Variants in SLC14A2 observed in about 807,000 individuals in gnomAD.
The protein encoded by SLC14A2 is solute carrier family 14 member 2.
SLC14A2 carries 91 observed loss-of-function variants against 104.6 expected under a neutral mutation model. That is an observed-to-expected ratio of 0.87 (90% CI 0.73 to 1.04). The LOEUF (loss-of-function observed/expected upper bound fraction) is 1.04. Ranked by LOEUF, SLC14A2 falls within the 50% of genes least tolerant of loss-of-function variation. The pLI is 0.00. For missense variants in SLC14A2, 1,189 were observed against 1,156.0 expected, an observed-to-expected ratio of 1.03 and a Z score of -0.41; for synonymous variants, 476 against 466.4, an observed-to-expected ratio of 1.02 and a Z score of -0.27.
At chr18:45,593,273 C>T (rs1032227335) in intron 2 of SLC14A2, among the ~76,000 whole-genome samples, 3 of 151,090 alleles carry the variant, frequency 2.0e-5, no homozygotes, top group Non-Finnish European at 3.0e-5. Context: ...GCCGAGATCG[C>T]TCCACGGCAC....
intron 1 of SLC14A2, among the ~76,000 whole-genome samples, chr18:45,386,198 G>A (rs2085894712): frequency 6.6e-6 from 1 of 152,166 alleles, no homozygotes; most frequent in Admixed American, 6.5e-5. Context: ...AGCTACATCT[G>A]TCTAGCTGGA....
At chr18:45,295,622 C>A (rs1258843958) in intron 1 of SLC14A2, among the ~76,000 whole-genome samples, 1 of 152,152 alleles carries the variant, frequency 6.6e-6, no homozygotes, top group Non-Finnish European at 1.5e-5. Context: ...AATCCCAATC[C>A]TTTCCATCAG....
intron 1 of SLC14A2, among the ~76,000 whole-genome samples, chr18:45,312,946 G>C (rs181692852): frequency 6.6e-6 from 1 of 152,170 alleles, no homozygotes; most frequent in East Asian, 1.9e-4. Context: ...AAGCCGGTTG[G>C]CCTCGTCAGT....
In SLC14A2 at chr18:45,682,392, C is replaced by G; in HGVS notation, c.2636C>G (p.Pro879Arg). The change falls in exon 20 of 20, where the codon CCC becomes CGC. Residue 879 changes from proline to arginine, a missense_variant. By Grantham distance (103) the Pro-to-Arg change is moderately radical. Transcript: ENST00000255226. ...LTFLLLTTNN[P>R]AIYKLPLSKV... The stretch of plus-strand genomic sequence containing the variant: ...TTCCTGCTCCTGACGACCAATAACC[C>G]CGCCATCTACAAGCTCCCGCTCAGC... The G allele has an allele frequency of 1.9e-6, 3 of 1,614,162 alleles. No individual in the cohort carries two copies. Among genetic ancestry groups the G allele is most frequent in the East Asian group, 2.2e-5 (1 of 44,878 alleles).
chr18:45,374,232 G>C (rs1011532058), intron 1 of SLC14A2, among the ~76,000 whole-genome samples: 13 of 152,198 alleles, frequency 8.5e-5, no homozygotes, highest in Non-Finnish European at 1.0e-4. Context: ...GCTGTCCAAA[G>C]TCACCCTTGT....
intron 1 of SLC14A2, among the ~76,000 whole-genome samples, chr18:45,321,437 A>T (rs2085184257): frequency 6.6e-6 from 1 of 152,194 alleles, no homozygotes; most frequent in African/African-American, 2.4e-5. Context: ...CATGCATCCC[A>T]GTTCTATGTG....
chr18:45,662,012 A>C (rs1324028116), intron 10 of SLC14A2, among the ~76,000 whole-genome samples: 1 of 152,200 alleles, frequency 6.6e-6, no homozygotes, highest in East Asian at 1.9e-4. Flanking sequence ...TCAGCATAAA[A>C]ATATAGACAA....
intron 2 of SLC14A2, among the ~76,000 whole-genome samples, chr18:45,604,448 T>G (rs1407297328): frequency 6.6e-6 from 1 of 152,198 alleles, no homozygotes; most frequent in Non-Finnish European, 1.5e-5. Flanking sequence ...AATCATGCAG[T>G]CTACTCCTTT....
intron 2 of SLC14A2, chr18:45,529,400 A>T (rs1032357564): frequency 6.6e-6 from 1 of 152,228 alleles, no homozygotes; most frequent in Non-Finnish European, 1.5e-5. Flanking sequence ...TCCAAGAGAC[A>T]GAAGTTGTGG....
chr18:45,499,397 C>T (rs1263555891), intron 2 of SLC14A2, among the ~76,000 whole-genome samples: 1 of 152,126 alleles, frequency 6.6e-6, no homozygotes, highest in Non-Finnish European at 1.5e-5. Flanking sequence ...GGTGAGTGCT[C>T]GACATTCAGA....
Position 45,643,844 on chromosome 18 carries a change from A to G in SLC14A2, c.1177-142A>G, listed in dbSNP as rs2144562685. 9.6e-6 allele frequency: 7 copies of G among 731,408 alleles called. No individual in the cohort carries two copies. In the East Asian group the frequency reaches 1.5e-4, roughly 16 times the overall value. 45.3% of individuals were successfully genotyped at this position (731,408 alleles called of 1,614,324 possible). A position where few individuals can be genotyped will look rare whatever the true frequency, so the allele number is the denominator to read the frequency against. On this transcript the variant is annotated intron_variant, in intron 9 of 19. Transcript: ENST00000255226. Reference sequence around the variant, plus strand: ...AAATTCTTTGACCAACTACTGTGACATTGCAAATCCAGGAATATCAATGCC... The same window carrying G: ...AAATTCTTTGACCAACTACTGTGACGTTGCAAATCCAGGAATATCAATGCC...
chr18:45,632,898 C>T (rs1213348445), intron 5 of SLC14A2, among the ~76,000 whole-genome samples: 1 of 152,142 alleles, frequency 6.6e-6, no homozygotes, highest in Non-Finnish European at 1.5e-5. Context: ...AGGATGGTCT[C>T]GATCTCCTGA....
rs2084455491 is a variant in SLC14A2 at position 45,254,478 on chromosome 18, A to C, written c.-125+41287A>C. Among the ~76,000 whole-genome samples the C allele has an allele frequency of 2.0e-5, 3 of 152,200 alleles. No homozygotes were observed. In the South Asian group the frequency reaches 6.2e-4, roughly 32 times the overall value. On this transcript the variant is annotated intron_variant, in intron 1 of 20. Transcript: ENST00000586448. ...GCTGAAAATTTGGAAAGGGGTCCTC[A>C]GGGGAAGAGGAGAGAAGTGCAAATA...
At chr18:45,196,710 C>T in the SLC14A2 span, among the ~76,000 whole-genome samples, 2 of 152,176 alleles carry the variant, frequency 1.3e-5, no homozygotes, top group Admixed American at 6.5e-5. Context: ...TTTGTGTCTT[C>T]CCTCAACAGC....
intron 2 of SLC14A2, among the ~76,000 whole-genome samples, chr18:45,535,986 C>T (rs939585070): frequency 2.0e-5 from 3 of 152,228 alleles, no homozygotes; most frequent in African/African-American, 7.2e-5. Flanking sequence ...CTGTCAACAT[C>T]TTAAGCCAAT....
At chr18:45,220,871 C>G (rs1211445172) in intron 1 of SLC14A2, among the ~76,000 whole-genome samples, 1 of 152,218 alleles carries the variant, frequency 6.6e-6, no homozygotes, top group Non-Finnish European at 1.5e-5. Flanking sequence ...TGAGGCCTCT[C>G]TTTTTGGTTT....
At chr18:45,471,821 T>C (rs567878433) in intron 1 of SLC14A2, among the ~76,000 whole-genome samples, 1 of 152,306 alleles carries the variant, frequency 6.6e-6, no homozygotes, top group Non-Finnish European at 1.5e-5. Flanking sequence ...TATTTTATTT[T>C]ATATAATGAT....
At chr18:45,280,768 C>A (rs1206109064) in intron 1 of SLC14A2, among the ~76,000 whole-genome samples, 1 of 152,198 alleles carries the variant, frequency 6.6e-6, no homozygotes, top group East Asian at 1.9e-4. Flanking sequence ...TGTTTATCCC[C>A]CTGTGGTCTG....
chr18:45,584,815 T>C (rs1481422915), intron 2 of SLC14A2, among the ~76,000 whole-genome samples: 1 of 152,220 alleles, frequency 6.6e-6, no homozygotes, highest in East Asian at 1.9e-4. Context: ...GGTTTCTGAA[T>C]ATAGAACGAA....
Sources: allele counts gnomAD v4.1 joint callset (sites outside exome capture counted in the v4.1 genomes callset), GRCh38; gene constraint gnomAD v4.1.1; transcripts MANE v1.5; gene names NCBI Gene and HGNC (gene_info 2026-07-23, HGNC 2026-07-21).